The following GLRA3 variants were observed in gnomAD, a reference collection of about 807,000 sequenced individuals.
GLRA3 encodes the protein glycine receptor alpha 3.
GLRA3 carries 44 observed loss-of-function variants against 60.4 expected under a neutral mutation model. The ratio of observed to expected loss-of-function variants is 0.73; its 90% CI spans 0.57 to 0.94. The LOEUF is 0.94. GLRA3 is among the 40% of genes least tolerant of loss of function. GLRA3 has a pLI of 0.00. For synonymous variants in GLRA3, 223 were observed against 192.9 expected (o/e 1.16, Z -1.29); for missense variants, 508 against 564.6 (o/e 0.90, Z 1.02).
At chr4:174,734,562 A>G (rs1437902768) in intron 3 of GLRA3, among the ~76,000 whole-genome samples, 1 of 152,122 alleles carries the variant, frequency 6.6e-6, no homozygotes, top group African/African-American at 2.4e-5. Flanking sequence ...CATTATCCAT[A>G]TGTACAATTA....
At chr4:174,774,043 T>A (rs1738496998) in intron 2 of GLRA3, among the ~76,000 whole-genome samples, 1 of 152,164 alleles carries the variant, frequency 6.6e-6, no homozygotes, top group Admixed American at 6.6e-5. Flanking sequence ...GGGGCCATCC[T>A]GGCTTGCAGA....
chr4:174,772,362 A>G (rs1444776679), intron 2 of GLRA3, among the ~76,000 whole-genome samples: 1 of 152,174 alleles, frequency 6.6e-6, no homozygotes, highest in African/African-American at 2.4e-5. Context: ...AGTAACTCAC[A>G]ATGGTCTCAG....
intron 5 of GLRA3, among the ~76,000 whole-genome samples, chr4:174,688,517 G>A (rs1734648092): frequency 6.6e-6 from 1 of 150,822 alleles, no homozygotes; most frequent in Admixed American, 6.6e-5. Flanking sequence ...TATGTGGCCA[G>A]CATATAGCAG....
At chr4:174,787,455 A>T in intron 2 of GLRA3, among the ~76,000 whole-genome samples, 1 of 152,076 alleles carries the variant, frequency 6.6e-6, no homozygotes, top group East Asian at 1.9e-4. Context: ...TTTGGAAAAG[A>T]TCATTATAAT....
chr4:174,762,990 G>A (rs1213492176), intron 3 of GLRA3, among the ~76,000 whole-genome samples: 1 of 151,938 alleles, frequency 6.6e-6, no homozygotes, highest in African/African-American at 2.4e-5. Context: ...TCATACAAAC[G>A]GAAGTAATTG....
intron 9 of GLRA3, among the ~76,000 whole-genome samples, chr4:174,647,041 C>T (rs1222126274): frequency 2.6e-5 from 4 of 152,168 alleles, no homozygotes; most frequent in African/African-American, 9.7e-5. Flanking sequence ...GTTGAATTGG[C>T]AGATGGATGA....
chr4:174,670,976 A>G (rs1733882321), intron 7 of GLRA3, among the ~76,000 whole-genome samples: 1 of 151,978 alleles, frequency 6.6e-6, no homozygotes, highest in Non-Finnish European at 1.5e-5. Context: ...ATGAATAAAT[A>G]ATTATTTCAT....
intron 2 of GLRA3, among the ~76,000 whole-genome samples, chr4:174,781,642 G>C (rs917703321): frequency 6.6e-6 from 1 of 150,474 alleles, no homozygotes; most frequent in African/African-American, 2.5e-5. Flanking sequence ...TATCACCACC[G>C]ATCCCACAGA....
At chr4:174,726,948 G>A (rs1485941) in intron 4 of GLRA3, among the ~76,000 whole-genome samples, 87,013 of 151,900 alleles carry the variant, frequency 0.57, 25,888 homozygotes, top group South Asian at 0.7. Context: ...CCATATGGGA[G>A]TATAGGGCTT....
At position 174,659,139 on chromosome 4, in the gene GLRA3, G is replaced by A. The variant is rs1384136326; in HGVS notation, c.986C>T (p.Ser329Leu). The part of the protein sequence containing the change: ...WMAVCLLFVF[S>L]ALLEYAAVNF... The stretch of plus-strand genomic sequence containing the variant: ...TACAGCTGCATACTCCAGAAGTGCT[G>A]AAAACACAAAAAGGAGGCATACTGC... Residue 329 changes from serine (S) to leucine (L), a missense_variant, in exon 8 of 10, where the codon TCA becomes TTA. Ser to Leu is a moderately radical substitution (Grantham distance 145). Transcript: ENST00000274093. 2 of 1,611,322 alleles carry A rather than the reference G, an allele frequency of 1.2e-6. No homozygotes were observed. The highest frequency in any genetic ancestry group is 1.7e-6 in the Non-Finnish European group (2 of 1,178,072).
rs1736026371 is a variant in GLRA3 at position 174,718,874 on chromosome 4, A to T, written c.492-3304T>A. 2.0e-5 allele frequency among the ~76,000 whole-genome samples: 3 copies of T among 149,938 alleles called. No individual in the cohort carries two copies. In the South Asian group the frequency reaches 6.5e-4, roughly 32 times the overall value. ...CTGTTTTAGAGATGAGGAAACTTAGAGGTTAAGTAACTCACCTGACATTAC... is the reference window on the plus strand; with the variant it reads ...CTGTTTTAGAGATGAGGAAACTTAGTGGTTAAGTAACTCACCTGACATTAC... On this transcript the variant is annotated intron_variant, in intron 4 of 9. Transcript: ENST00000274093.
chr4:174,637,389 C>CA lies in GLRA3; in HGVS notation c.*6396dup, dbSNP rs1732520919. 6.6e-6 allele frequency: 1 copy of CA among 151,906 alleles called. No homozygotes were observed. Among genetic ancestry groups the CA allele is most frequent in the African/African-American group, 2.4e-5 (1 of 41,382 alleles). The allele number at this position is 151,906 out of a possible 1,614,324, so 9.4% of individuals were successfully genotyped here. Reference sequence around the variant, plus strand: ...GGGTACTTCACTCTATTTCCCCCCCCATATTATCATTTATCATACATTAAA... The same window carrying CA: ...GGGTACTTCACTCTATTTCCCCCCCCAATATTATCATTTATCATACATTAAA... On this transcript the variant is annotated 3_prime_UTR_variant, in exon 10 of 10. Transcript: ENST00000274093.
intron 3 of GLRA3, among the ~76,000 whole-genome samples, chr4:174,763,497 T>C (rs1049624875): frequency 6.6e-6 from 1 of 152,234 alleles, no homozygotes; most frequent in Non-Finnish European, 1.5e-5. Context: ...CAGGTCTGTG[T>C]GTATGCACCA....
rs1277715893 is a variant in GLRA3, at chr4:174,707,085, G to C, written c.574+8403C>G. Among the ~76,000 whole-genome samples, 3 of 152,236 alleles carry C rather than the reference G, an allele frequency of 2.0e-5. No homozygotes were observed. In the East Asian group the frequency reaches 5.8e-4, roughly 29 times the overall value. On this transcript the variant is annotated intron_variant, in intron 5 of 9. Transcript: ENST00000274093. ...ATTCTAATGTTATTCTTATAAGCAA[G>C]GATTTCAAAATTTTGAAATGGATAT...
At chr4:174,704,521 G>C (rs1348720672) in intron 5 of GLRA3, among the ~76,000 whole-genome samples, 1 of 143,258 alleles carries the variant, frequency 7.0e-6, no homozygotes, top group Non-Finnish European at 1.5e-5. Flanking sequence ...TGGTGCAGCT[G>C]CTATAAAAAA....
rs551257810 is a variant in GLRA3 at position 174,642,471 on chromosome 4, GAA to G, written c.*1313_*1314del. The G allele has an allele frequency of 5.4e-5, 53 of 976,930 alleles. No homozygotes were observed. In the African/African-American group the frequency reaches 8.2e-4, roughly 15 times the overall value. The allele number at this position is 976,930 out of a possible 1,614,324, so 60.5% of individuals were successfully genotyped here. ...AAATAGTTAAAAAAATAGCAAAACTGAAAAAGAGTCAGAGTCTGGTTCTGTTT... is the reference window on the plus strand; with the variant it reads ...AAATAGTTAAAAAAATAGCAAAACTGAAAGAGTCAGAGTCTGGTTCTGTTT... On this transcript the variant is annotated 3_prime_UTR_variant, in exon 10 of 10. Coordinates refer to ENST00000274093, the MANE Select transcript of GLRA3 (RefSeq NM_006529.4).
intron 9 of GLRA3, among the ~76,000 whole-genome samples, chr4:174,648,803 G>C (rs1165224002): frequency 2.6e-5 from 4 of 152,124 alleles, no homozygotes; most frequent in Non-Finnish European, 5.9e-5. Flanking sequence ...ATCATGGCCA[G>C]AGGTACATCT....
chr4:174,798,869 C>G (rs527997613), intron 1 of GLRA3, among the ~76,000 whole-genome samples: 1 of 151,510 alleles, frequency 6.6e-6, no homozygotes, highest in African/African-American at 2.4e-5. Context: ...TGCAGTGAGC[C>G]GAGATAGCAC....
chr4:174,719,443 T>C, intron 4 of GLRA3, among the ~76,000 whole-genome samples: 1 of 152,304 alleles, frequency 6.6e-6, no homozygotes, highest in East Asian at 1.9e-4. Flanking sequence ...TAGTGAAATT[T>C]AAAGTAAAAC....
Sources: gnomAD v4.1 joint callset for allele counts (sites outside exome capture counted in the v4.1 genomes callset) on GRCh38, gnomAD v4.1.1 for gene constraint, MANE v1.5 for transcripts, NCBI Gene and HGNC (gene_info 2026-07-23, HGNC 2026-07-21) for gene names.